The following FOCAD variants were observed in gnomAD, a reference collection of about 807,000 sequenced individuals.
FOCAD encodes the protein focadhesin, also known as KIAA1797.
Under a neutral mutation model 225.6 loss-of-function variants are expected in FOCAD, and 198 were observed. The observed-to-expected ratio is 0.88, with a 90% CI of 0.78 to 0.99. The LOEUF (loss-of-function observed/expected upper bound fraction) is 0.99. Ranked by LOEUF, FOCAD falls within the 50% of genes least tolerant of loss-of-function variation. The probability of loss-of-function intolerance (pLI) is 0.00; values close to 1 mark genes in which losing one functional copy is unlikely to be tolerated. For missense variants in FOCAD, 2,713 were observed against 2,123.6 expected, an observed-to-expected ratio of 1.28 and a Z score of -5.46; for synonymous variants, 897 against 755.0, an observed-to-expected ratio of 1.19 and a Z score of -3.08.
At chr9:20,819,388 G>GT (rs990449911) in intron 11 of FOCAD, among the ~76,000 whole-genome samples, 3 of 151,828 alleles carry the variant, frequency 2.0e-5, no homozygotes, top group South Asian at 2.1e-4. Context: ...TAATTTAAAA[G>GT]TTTTTTGTAG....
intron 36 of FOCAD, among the ~76,000 whole-genome samples, chr9:20,977,833 G>A (rs896123647): frequency 3.3e-5 from 5 of 152,116 alleles, no homozygotes; most frequent in Non-Finnish European, 7.3e-5. Context: ...TCCTTGTTTG[G>A]TGTGCTATAT....
At chr9:20,798,231 C>A (rs1821360087) in intron 11 of FOCAD, among the ~76,000 whole-genome samples, 1 of 152,148 alleles carries the variant, frequency 6.6e-6, no homozygotes, top group Non-Finnish European at 1.5e-5. Context: ...TTTTGATGCG[C>A]TGCTGGATTT....
At chr9:20,765,121 G>A (rs1444797708) in intron 7 of FOCAD, 48 bp downstream of exon 7, 5 of 1,510,694 alleles carry the variant, frequency 3.3e-6, no homozygotes, top group African/African-American at 1.4e-5. Context: ...ATCAGTAAGT[G>A]TTGTTATTGT....
intron 4 of FOCAD, among the ~76,000 whole-genome samples, chr9:20,733,934 G>A (rs752175762): frequency 1.3e-5 from 2 of 152,172 alleles, no homozygotes; most frequent in Admixed American, 6.5e-5. Context: ...TCAAGAGGTC[G>A]AGGCTGCAGT....
At chr9:20,715,718 G>C (rs1825278131) in intron 2 of FOCAD, among the ~76,000 whole-genome samples, 1 of 151,822 alleles carries the variant, frequency 6.6e-6, no homozygotes, top group African/African-American at 2.4e-5. Flanking sequence ...TGATTATTGG[G>C]AACAGAGGTA....
intron 1 of FOCAD, among the ~76,000 whole-genome samples, chr9:20,695,440 A>G (rs1823283767): frequency 6.6e-6 from 1 of 152,162 alleles, no homozygotes. Flanking sequence ...TCATATTGGT[A>G]AAGATTTTTC....
chr9:20,798,591 G>T (rs186900163), intron 11 of FOCAD, among the ~76,000 whole-genome samples: 63 of 152,058 alleles, frequency 4.1e-4, no homozygotes, highest in African/African-American at 1.4e-3. Context: ...TGTATGTGTC[G>T]AGGAATTTAT....
chr9:20,949,678 G>A lies in FOCAD; in HGVS notation c.3948+3G>A. On this transcript the variant is annotated splice_donor_region_variant and intron_variant, in intron 33 of 43. Coordinates refer to ENST00000338382, the MANE Select transcript of FOCAD (RefSeq NM_001375567.1). ...AAGTCATTAGAACCTTAACTCAGGT[G>A]AGAAAATGAATTTAAAATCCTTGGG... is the stretch of plus-strand genomic sequence containing the variant. The A allele has an allele frequency of 3.1e-6, 5 of 1,610,452 alleles. No individual in the cohort carries two copies. The highest frequency in any genetic ancestry group is 1.1e-5 in the South Asian group (1 of 90,948).
chr9:20,792,463 A>G (rs1820631671), intron 11 of FOCAD, among the ~76,000 whole-genome samples: 1 of 152,212 alleles, frequency 6.6e-6, no homozygotes, highest in African/African-American at 2.4e-5. Flanking sequence ...TCCTTCCTCA[A>G]AACGTATCCC....
chr9:20,805,519 AT>A lies in FOCAD; in HGVS notation c.1456-14267del, dbSNP rs200239926. On this transcript the variant is annotated intron_variant, in intron 11 of 43. Transcript: ENST00000338382. ...AATAACATTGCAAATAATTTGGATA[AT>A]TTTTTTTTTGTTAATTTTCAGGTCA... Among the ~76,000 whole-genome samples the A allele has an allele frequency of 3.1e-3, 467 of 150,058 alleles. 4 individuals carry two copies. In the East Asian group the frequency reaches 0.043, roughly 14 times the overall value.
chr9:20,909,229 C>G (rs554227126), intron 22 of FOCAD, among the ~76,000 whole-genome samples: 2 of 152,066 alleles, frequency 1.3e-5, no homozygotes, highest in African/African-American at 4.8e-5. Context: ...TTCAATTAAT[C>G]TATACAGAAA....
intron 5 of FOCAD, among the ~76,000 whole-genome samples, chr9:20,750,955 G>A (rs1328757696): frequency 1.3e-5 from 2 of 152,004 alleles, no homozygotes; most frequent in Non-Finnish European, 2.9e-5. Context: ...GGTGGCTTGG[G>A]TTATACAGTA....
chr9:20,939,222 T>G (rs1188774290), intron 28 of FOCAD, among the ~76,000 whole-genome samples: 1 of 150,938 alleles, frequency 6.6e-6, no homozygotes, highest in Admixed American at 6.6e-5. Context: ...TTGAAGTATC[T>G]TGAAAATAGA....
chr9:20,915,446 C>T (rs1309642335), intron 23 of FOCAD, among the ~76,000 whole-genome samples: 3 of 152,092 alleles, frequency 2.0e-5, no homozygotes, highest in Non-Finnish European at 4.4e-5. Context: ...TAAGGAGCAA[C>T]CAACTGTGTC....
chr9:20,720,629 G>T lies in FOCAD; in HGVS notation c.287+95G>T, dbSNP rs1465098490. The T allele has an allele frequency of 1.2e-4, 154 of 1,266,232 alleles. 2 individuals are homozygous for T. Among genetic ancestry groups the T allele is most frequent in the Non-Finnish European group, 1.7e-4 (151 of 914,478 alleles). 78.4% of individuals were successfully genotyped at this position (1,266,232 alleles called of 1,614,324 possible). Reference sequence around the variant, plus strand: ...TTAAGAGTCAGCATTCATCCTACTTGCCAGTTGTTTTTCTTGCTCTTAAAA... The same window carrying T: ...TTAAGAGTCAGCATTCATCCTACTTTCCAGTTGTTTTTCTTGCTCTTAAAA... On this transcript the variant is annotated intron_variant, in intron 4 of 43. Coordinates refer to ENST00000338382, the MANE Select transcript of FOCAD (RefSeq NM_001375567.1).
chr9:20,913,620 T>G (rs903960479), intron 23 of FOCAD, among the ~76,000 whole-genome samples: 43 of 152,308 alleles, frequency 2.8e-4, no homozygotes, highest in Admixed American at 9.1e-4. Flanking sequence ...GAAGATTATT[T>G]AATTATAGGT....
At chr9:20,713,212 C>G (rs1303621734) in intron 1 of FOCAD, among the ~76,000 whole-genome samples, 1 of 152,188 alleles carries the variant, frequency 6.6e-6, no homozygotes, top group African/African-American at 2.4e-5. Flanking sequence ...GCCTACAAGG[C>G]CTTTTATGAC....
intron 5 of FOCAD, among the ~76,000 whole-genome samples, chr9:20,740,763 C>A (rs1234935789): frequency 1.3e-5 from 2 of 152,050 alleles, no homozygotes; most frequent in African/African-American, 4.8e-5. Flanking sequence ...TGACTTAGGC[C>A]AAGGTCAGTA....
At chr9:20,943,672 T>C (rs147644090) in intron 28 of FOCAD, among the ~76,000 whole-genome samples, 303 of 152,286 alleles carry the variant, frequency 2.0e-3, no homozygotes, top group Non-Finnish European at 2.6e-3. Flanking sequence ...TGACCTAACA[T>C]GTGGGCATTG....
Sources: allele counts gnomAD v4.1 joint callset (sites outside exome capture counted in the v4.1 genomes callset), GRCh38; gene constraint gnomAD v4.1.1; transcripts MANE v1.5; gene names NCBI Gene and HGNC (gene_info 2026-07-23, HGNC 2026-07-21).